The following NRG1 variants were observed in gnomAD, a reference collection of about 807,000 sequenced individuals.
NRG1 encodes neuregulin 1.
NRG1 carries 18 observed loss-of-function variants against 63.8 expected under a neutral mutation model. That is an observed-to-expected ratio of 0.28 (90% CI 0.19 to 0.42). NRG1 has a LOEUF of 0.42. Among genes scored for constraint, NRG1 ranks in the 10% least tolerant of loss-of-function variants. The pLI, the probability that NRG1 is intolerant of heterozygous loss-of-function variation, is 1.00. For synonymous variants in NRG1, 302 were observed against 301.3 expected, an observed-to-expected ratio of 1.00 and a Z score of -0.02; for missense variants, 762 against 814.7, an observed-to-expected ratio of 0.94 and a Z score of 0.79.
chr8:32,487,435 T>A (rs1321216407), intron 1 of NRG1, among the ~76,000 whole-genome samples: 2 of 152,076 alleles, frequency 1.3e-5, no homozygotes, highest in Non-Finnish European at 2.9e-5. Flanking sequence ...TTTTTTTAAT[T>A]CTTGCTTGTA....
intron 1 of NRG1, among the ~76,000 whole-genome samples, chr8:31,771,128 C>T (rs1473169243): frequency 6.6e-6 from 1 of 152,180 alleles, no homozygotes; most frequent in Admixed American, 6.6e-5. Context: ...CAAAGGAACT[C>T]TTTGGTGCAG....
intron 5 of NRG1, among the ~76,000 whole-genome samples, chr8:32,717,111 C>G (rs1475566378): frequency 2.6e-5 from 4 of 152,046 alleles, no homozygotes; most frequent in African/African-American, 9.7e-5. Flanking sequence ...TGGCCCTGTT[C>G]CACTAAAGAC....
chr8:32,666,978 A>G (rs1418896961), intron 5 of NRG1, among the ~76,000 whole-genome samples: 1 of 152,234 alleles, frequency 6.6e-6, no homozygotes, highest in African/African-American at 2.4e-5. Context: ...ATATTCCATT[A>G]TATATACAGT....
intron 1 of NRG1, among the ~76,000 whole-genome samples, chr8:32,167,121 GTTATATAAT>G (rs1413732707): frequency 6.6e-6 from 1 of 152,112 alleles, no homozygotes; most frequent in Non-Finnish European, 1.5e-5. Flanking sequence ...AATCAGTGGT[GTTATATAAT>G]AAGGAGCTAA....
intron 1 of NRG1, among the ~76,000 whole-genome samples, chr8:32,045,323 A>T (rs1390465774): frequency 6.6e-6 from 1 of 151,938 alleles, no homozygotes; most frequent in Non-Finnish European, 1.5e-5. Context: ...TCATGAAAAA[A>T]TCATAGATGA....
intron 1 of NRG1, among the ~76,000 whole-genome samples, chr8:31,670,253 C>G (rs1806984305): frequency 1.3e-5 from 2 of 152,134 alleles, no homozygotes; most frequent in African/African-American, 4.8e-5. Flanking sequence ...TGAGTTCTTA[C>G]TCACGGGGGT....
At chr8:32,179,162 CCTT>C (rs1029878934) in intron 1 of NRG1, among the ~76,000 whole-genome samples, 4 of 143,884 alleles carry the variant, frequency 2.8e-5, no homozygotes, top group African/African-American at 5.3e-5. Flanking sequence ...GCCTTTCACT[CCTT>C]CTTCCCAACG....
At chr8:32,289,448 C>A (rs1853937684) in intron 1 of NRG1, among the ~76,000 whole-genome samples, 1 of 150,880 alleles carries the variant, frequency 6.6e-6, no homozygotes, top group African/African-American at 2.5e-5. Flanking sequence ...AAAAAAAAAA[C>A]TAGTCAGAGA....
chr8:31,708,729 G>C (rs889144911), intron 1 of NRG1, among the ~76,000 whole-genome samples: 22 of 152,254 alleles, frequency 1.4e-4, no homozygotes, highest in Admixed American at 1.3e-3. Flanking sequence ...ACAGGCGTGA[G>C]CCACCGCGCC....
upstream of NRG1, among the ~76,000 whole-genome samples, chr8:32,544,648 G>A (rs1436124431): frequency 1.3e-5 from 2 of 149,994 alleles, no homozygotes; most frequent in African/African-American, 4.9e-5. Flanking sequence ...GACTACAGGG[G>A]AGCACCACTA....
chr8:31,772,511 C>G (rs188631316), intron 1 of NRG1, among the ~76,000 whole-genome samples: 9 of 152,288 alleles, frequency 5.9e-5, no homozygotes, highest in Middle Eastern at 3.4e-3. Context: ...AGTATCTATT[C>G]TCTTCTAGCA....
At chr8:31,962,500 T>C (rs1679394221) in intron 1 of NRG1, among the ~76,000 whole-genome samples, 1 of 152,142 alleles carries the variant, frequency 6.6e-6, no homozygotes, top group Non-Finnish European at 1.5e-5. Flanking sequence ...AGATGCTCAG[T>C]GATGGCCTGA....
At chr8:32,338,200 A>G (rs1479711660) in intron 1 of NRG1, among the ~76,000 whole-genome samples, 2 of 152,206 alleles carry the variant, frequency 1.3e-5, no homozygotes, top group Non-Finnish European at 2.9e-5. Flanking sequence ...ATGGAGGAGC[A>G]TAGGAGAAAG....
intron 1 of NRG1, among the ~76,000 whole-genome samples, chr8:32,221,339 G>T (rs7841677): frequency 0.64 from 97,504 of 151,904 alleles, 32,307 homozygotes; most frequent in African/African-American, 0.81. Context: ...GGTGGAGAAA[G>T]GAGACCCGCT....
chr8:31,942,719 G>T (rs1029387203), intron 1 of NRG1, among the ~76,000 whole-genome samples: 1 of 152,150 alleles, frequency 6.6e-6, no homozygotes, highest in Non-Finnish European at 1.5e-5. Context: ...TCATCAAAAA[G>T]TGGGCTAAAG....
intron 1 of NRG1, among the ~76,000 whole-genome samples, chr8:31,794,822 T>G (rs2131681205): frequency 6.6e-6 from 1 of 152,238 alleles, no homozygotes. Context: ...AAATTCTTTA[T>G]GATGGAGTCC....
chr8:32,725,802 C>A (rs1048910437), intron 5 of NRG1, among the ~76,000 whole-genome samples: 4 of 151,764 alleles, frequency 2.6e-5, no homozygotes, highest in African/African-American at 9.7e-5. Flanking sequence ...AAGGCAATTG[C>A]CGTGGATGAA....
chr8:31,651,205 C>G (rs1220026921), intron 1 of NRG1, among the ~76,000 whole-genome samples: 1 of 152,082 alleles, frequency 6.6e-6, no homozygotes, highest in Non-Finnish European at 1.5e-5. Context: ...TCTCCATGGC[C>G]TTTTTGTGTC....
intron 5 of NRG1, chr8:32,646,807 A>G: frequency 1.0e-6 from 1 of 985,142 alleles, no homozygotes; most frequent in Non-Finnish European, 1.2e-6. Flanking sequence ...ATAGGAAGTC[A>G]CTGGCAGTCC....
Sources: gnomAD v4.1 joint callset for allele counts (sites outside exome capture counted in the v4.1 genomes callset) on GRCh38, gnomAD v4.1.1 for gene constraint, MANE v1.5 for transcripts, NCBI Gene and HGNC (gene_info 2026-07-23, HGNC 2026-07-21) for gene names.